Variants in IPO5 observed in about 807,000 individuals in gnomAD.
The protein encoded by IPO5 is importin 5.
Under a neutral mutation model 143.3 loss-of-function variants are expected in IPO5, and 18 were observed. The ratio of observed to expected loss-of-function variants is 0.13; its 90% CI spans 0.09 to 0.19. The LOEUF (loss-of-function observed/expected upper bound fraction) is 0.19, where lower values mean the gene tolerates loss of function less well. Among genes scored for constraint, IPO5 ranks in the 10% least tolerant of loss-of-function variants. The pLI is 1.00. For synonymous variants in IPO5, 477 were observed against 465.7 expected, an observed-to-expected ratio of 1.02 and a Z score of -0.31; for missense variants, 1,013 against 1,336.9, an observed-to-expected ratio of 0.76 and a Z score of 3.78.
chr13:97,993,948 A>G (rs1244888558), intron 11 of IPO5, among the ~76,000 whole-genome samples: 1 of 152,194 alleles, frequency 6.6e-6, no homozygotes, highest in Non-Finnish European at 1.5e-5. Context: ...TATCTCCTTT[A>G]TCACTGTTCA....
rs568589408 is a variant in IPO5, at chr13:98,006,356, A to ATTTTTTTTTT, written c.1716+35_1716+44dup. 5.9e-4 allele frequency: 327 copies of ATTTTTTTTTT among 556,806 alleles called. 59 individuals carry two copies. The African/African-American group carries it at 0.01, about 17-fold the overall frequency. The allele number at this position is 556,806 out of a possible 1,614,324, so 34.5% of individuals were successfully genotyped here. ...GCTGTTGGGAAGGAAAAAGTAAGTA[A>ATTTTTTTTTT]TTTTTTTTTTTTTTTTTTTTTTTTT... is the stretch of plus-strand genomic sequence containing the variant. On this transcript the variant is annotated intron_variant, in intron 17 of 28. Coordinates refer to ENST00000651721, the MANE Select transcript of IPO5 (RefSeq NM_002271.6).
intron 6 of IPO5, among the ~76,000 whole-genome samples, chr13:97,988,635 A>C (rs1887571445): frequency 6.6e-6 from 1 of 152,216 alleles, no homozygotes; most frequent in African/African-American, 2.4e-5. Flanking sequence ...TAAAAATACA[A>C]AAATTAGTCA....
At chr13:98,002,654 C>A in intron 14 of IPO5, 30 bp from the exon 15 acceptor site, 2 of 1,606,296 alleles carry the variant, frequency 1.2e-6, no homozygotes, top group Non-Finnish European at 1.7e-6. Context: ...AACCTTCTTG[C>A]TTTTACTAAT....
At chr13:97,955,869 T>C (rs757562438) in intron 2 of IPO5, among the ~76,000 whole-genome samples, 11 of 152,306 alleles carry the variant, frequency 7.2e-5, no homozygotes, top group East Asian at 1.9e-4. Context: ...CAGTGGCTCA[T>C]GCCTGTAATC....
At chr13:98,003,125 C>A in intron 16 of IPO5, 88 bp downstream of exon 16, 2 of 956,016 alleles carry the variant, frequency 2.1e-6, no homozygotes, top group Non-Finnish European at 3.2e-6. Context: ...GAGGGACTTG[C>A]AGCATGACCA....
At chr13:97,978,546 T>C (rs1437905828) in intron 4 of IPO5, among the ~76,000 whole-genome samples, 1 of 152,126 alleles carries the variant, frequency 6.6e-6, no homozygotes, top group East Asian at 1.9e-4. Flanking sequence ...ATTGCACCAG[T>C]TTGCCTTGGG....
chr13:97,956,143 A>C (rs1884445509), intron 2 of IPO5, among the ~76,000 whole-genome samples: 1 of 151,682 alleles, frequency 6.6e-6, no homozygotes, highest in African/African-American at 2.4e-5. Flanking sequence ...AAAAAAAAAA[A>C]ACGAACAAAA....
In IPO5 at chr13:98,008,110, G is replaced by A. The variant is rs762912125; in HGVS notation, c.1768G>A (p.Asp590Asn). ...VMQLLLKTQT[D>N]FNDMEDDDPQ... The stretch of plus-strand genomic sequence containing the variant: ...GCAGCTTTTGTTAAAGACCCAGACA[G>A]ACTTCAATGATATGGAAGATGATGA... The change falls in exon 18 of 29, where the codon GAC becomes AAC. Residue 590 changes from aspartate (D) to asparagine (N), a missense_variant. Asp to Asn is a conservative substitution (Grantham distance 23). Around this residue, in one of 2 missense-constraint regions of IPO5, gnomAD observed 685 missense variants for 994.9 expected, o/e 0.69. Transcript: ENST00000651721. 3.7e-6 allele frequency: 6 copies of A among 1,611,324 alleles called. No individual in the cohort carries two copies. The highest frequency in any genetic ancestry group is 5.1e-6 in the Non-Finnish European group (6 of 1,177,480).
rs772631409 is a variant in IPO5 at position 98,019,569 on chromosome 13, T to C, written c.2837-12T>C. On this transcript the variant is annotated splice_polypyrimidine_tract_variant and intron_variant, in intron 26 of 28. Coordinates refer to ENST00000651721, the MANE Select transcript of IPO5 (RefSeq NM_002271.6). Reference sequence around the variant, plus strand: ...AGGTTTTAGCTGAACTTCTTTCAAATGCTTATTTTAGAAGCACTTCCCCTG... The same window carrying C: ...AGGTTTTAGCTGAACTTCTTTCAAACGCTTATTTTAGAAGCACTTCCCCTG... The C allele has an allele frequency of 6.9e-6, 11 of 1,587,950 alleles. No homozygotes were observed. The Admixed American group carries it at 1.9e-4, about 27-fold the overall frequency.
chr13:97,974,065 A>G (rs1023232536), intron 3 of IPO5, among the ~76,000 whole-genome samples: 2 of 152,154 alleles, frequency 1.3e-5, no homozygotes, highest in African/African-American at 4.8e-5. Context: ...TCTGTCTCAA[A>G]ATAATAATAA....
intron 21 of IPO5, 96 bp downstream of exon 21, chr13:98,012,438 A>G: frequency 5.1e-6 from 4 of 784,396 alleles, no homozygotes; most frequent in Non-Finnish European, 6.8e-6. Flanking sequence ...AGACTTCACC[A>G]TGATTGTTTG....
intron 28 of IPO5, 110 bp from the exon 29 acceptor site, chr13:98,021,626 T>A (rs559707979): frequency 2.0e-6 from 1 of 509,004 alleles, no homozygotes; most frequent in Non-Finnish European, 3.4e-6. Context: ...CAAAATAATG[T>A]ACCTAGGGAG....
At position 97,985,529 on chromosome 13, in the gene IPO5, C is replaced by G; in HGVS notation, c.280C>G (p.Leu94Val). The change falls in exon 6 of 29, where the codon CTC (leucine) becomes GTC (valine). Residue 94 changes from leucine (L) to valine (V), a missense_variant. Physicochemically the swap from Leu to Val is conservative, Grantham distance 32 (BLOSUM62 1). Around this residue, in one of 2 missense-constraint regions of IPO5, gnomAD observed 328 missense variants for 342.0 expected, o/e 0.96. Coordinates refer to ENST00000651721, the MANE Select transcript of IPO5 (RefSeq NM_002271.6). ...TCAGACTGCCATCAAGAGTGAGCTA[C>G]TCATGATTATTCAGATGGAAACACA... The part of the protein sequence containing the change: ...DVQTAIKSEL[L>V]MIIQMETQSS... 4 of 1,613,936 alleles carry G rather than the reference C, an allele frequency of 2.5e-6. No individual in the cohort carries two copies. Among genetic ancestry groups the G allele is most frequent in the Non-Finnish European group, 2.5e-6 (3 of 1,179,924 alleles).
Position 98,005,550 on chromosome 13 carries a change from G to A in IPO5, c.1498-580G>A, listed in dbSNP as rs149639440. On this transcript the variant is annotated intron_variant, in intron 16 of 28. Transcript: ENST00000651721. ...TGCTGGTGACAGGACGGGCCCAGCA[G>A]CAAATAGTTAGTAAGCATTTGTTAC... 2.0e-5 allele frequency among the ~76,000 whole-genome samples: 3 copies of A among 152,104 alleles called. No individual in the cohort carries two copies. In the East Asian group the frequency reaches 5.8e-4, roughly 29 times the overall value.
rs536232400 is a variant in IPO5, at chr13:97,990,640, G to A, written c.669+103G>A. On this transcript the variant is annotated intron_variant, in intron 9 of 28. Transcript: ENST00000651721. ...TTCATATTGCCTATTATGTTCTGGC[G>A]CTAGGCATACAGCAGTGAACAAAAC... 58 of 651,432 alleles carry A rather than the reference G, an allele frequency of 8.9e-5. 1 individual carries two copies. Among genetic ancestry groups the A allele is most frequent in the African/African-American group, 6.0e-4 (32 of 53,456 alleles). The allele number at this position is 651,432 out of a possible 1,614,324, so 40.4% of individuals were successfully genotyped here. A position where few individuals can be genotyped will look rare whatever the true frequency, so the allele number is the denominator to read the frequency against.
chr13:98,023,065 G>GT lies in IPO5; in HGVS notation c.*1249dup, dbSNP rs1341641705. ...CATAGATCAGAATTTTAAATTAAAG[G>GT]TTTTTTCTTTAAATGATTTGTATTA... is the stretch of plus-strand genomic sequence containing the variant. On this transcript the variant is annotated 3_prime_UTR_variant, in exon 29 of 29. Transcript: ENST00000651721. The GT allele has an allele frequency of 1.3e-5, 2 of 152,636 alleles. No individual in the cohort carries two copies. Among genetic ancestry groups the GT allele is most frequent in the Middle Eastern group, 3.4e-3 (1 of 294 alleles). 9.5% of individuals were successfully genotyped at this position (152,636 alleles called of 1,614,324 possible).
intron 12 of IPO5, among the ~76,000 whole-genome samples, chr13:97,998,364 A>G (rs1362190811): frequency 6.6e-6 from 1 of 152,184 alleles, no homozygotes; most frequent in Admixed American, 6.5e-5. Context: ...TATCTTTTAA[A>G]ACGTGTATAA....
intron 2 of IPO5, among the ~76,000 whole-genome samples, chr13:97,958,159 C>G (rs545444429): frequency 6.6e-6 from 1 of 152,286 alleles, no homozygotes; most frequent in East Asian, 1.9e-4. Context: ...TTGCTTGGCT[C>G]TCTTCTCTCT....
chr13:97,956,104 C>G (rs1178897195), intron 2 of IPO5, among the ~76,000 whole-genome samples: 1 of 150,692 alleles, frequency 6.6e-6, no homozygotes, highest in Non-Finnish European at 1.5e-5. Context: ...TGCACTCCAG[C>G]CTGGGCGACA....
Sources: allele counts gnomAD v4.1 joint callset (sites outside exome capture counted in the v4.1 genomes callset), GRCh38; gene constraint gnomAD v4.1.1; regional missense constraint gnomAD v4.1.1; transcripts MANE v1.5; gene names NCBI Gene and HGNC (gene_info 2026-07-23, HGNC 2026-07-21).